Variants in LGSN observed in about 807,000 individuals in gnomAD.
LGSN encodes lengsin.
A neutral mutation model predicts 19.5 loss-of-function variants in LGSN; 21 were observed. The ratio of observed to expected loss-of-function variants is 1.07; its 90% CI spans 0.76 to 1.55. The LOEUF (loss-of-function observed/expected upper bound fraction) is 1.55. LGSN is among the 40% of genes most tolerant of loss of function. The pLI, the probability that LGSN is intolerant of heterozygous loss-of-function variation, is 0.00. For missense variants in LGSN, 673 were observed against 608.5 expected (o/e 1.11, Z -1.12); for synonymous variants, 257 against 215.6 (o/e 1.19, Z -1.68).
intron 1 of LGSN, among the ~76,000 whole-genome samples, chr6:63,302,149 TTTATGAATATA>T (rs1768205440): frequency 6.6e-6 from 1 of 152,158 alleles, no homozygotes; most frequent in Admixed American, 6.5e-5. Flanking sequence ...TGAGTTATAT[TTTATGAATATA>T]TTATGAATAT....
Position 63,280,208 on chromosome 6 carries a change from T to C in LGSN, c.1343A>G (p.Tyr448Cys). ...LAGPDESTDF[Y>C]QVEPSEIPLK... ...AGGGATCTCAGAAGGTTCCACTTGGTAAAAGTCTGTGCTCTCATCTGGACC... is the reference window on the plus strand; with the variant it reads ...AGGGATCTCAGAAGGTTCCACTTGGCAAAAGTCTGTGCTCTCATCTGGACC... The change falls in exon 4 of 4, where the codon TAC becomes TGC. Residue 448 changes from tyrosine to cysteine, a missense_variant. By Grantham distance (194) the Tyr-to-Cys change is radical (BLOSUM62 -2). Transcript: ENST00000370657. 2 of 1,614,192 alleles carry C rather than the reference T, an allele frequency of 1.2e-6. No individual in the cohort carries two copies. Among genetic ancestry groups the C allele is most frequent in the African/African-American group, 2.7e-5 (2 of 75,052 alleles).
the LGSN span, among the ~76,000 whole-genome samples, chr6:63,535,398 G>T: frequency 6.6e-6 from 1 of 152,108 alleles, no homozygotes; most frequent in Non-Finnish European, 1.5e-5. Context: ...GAACAGGGAG[G>T]CAGAGGTTGC....
At chr6:63,404,138 G>A in the LGSN span, among the ~76,000 whole-genome samples, 1 of 152,088 alleles carries the variant, frequency 6.6e-6, no homozygotes, top group Non-Finnish European at 1.5e-5. Context: ...CTTAAGCGAA[G>A]GACCTAGCTA....
chr6:63,362,897 C>T, the LGSN span, among the ~76,000 whole-genome samples: 1 of 152,198 alleles, frequency 6.6e-6, no homozygotes, highest in Non-Finnish European at 1.5e-5. Flanking sequence ...CAGACTGCCT[C>T]CTCAAGTGGG....
chr6:63,540,167 G>C, the LGSN span, among the ~76,000 whole-genome samples: 34 of 152,312 alleles, frequency 2.2e-4, 2 homozygotes, highest in South Asian at 7.0e-3. Context: ...AATCTGGTGT[G>C]CATGGTTGGA....
chr6:63,456,346 AATATAC>A, the LGSN span, among the ~76,000 whole-genome samples: 2,724 of 100,364 alleles, frequency 0.027, 343 homozygotes, highest in Middle Eastern at 0.034. Flanking sequence ...ACTTGGCAGA[AATATAC>A]ATATATATAT....
At chr6:63,519,453 T>A in the LGSN span, among the ~76,000 whole-genome samples, 1 of 152,236 alleles carries the variant, frequency 6.6e-6, no homozygotes, top group Non-Finnish European at 1.5e-5. Flanking sequence ...AGGTAAGGGA[T>A]GTGAAACTGT....
intron 1 of LGSN, among the ~76,000 whole-genome samples, chr6:63,295,495 A>T (rs991811164): frequency 1.6e-4 from 24 of 152,196 alleles, no homozygotes; most frequent in African/African-American, 5.1e-4. Context: ...CTTTTTCCTT[A>T]TGAAAAAGGA....
At chr6:63,371,221 C>T in the LGSN span, among the ~76,000 whole-genome samples, 1 of 152,154 alleles carries the variant, frequency 6.6e-6, no homozygotes, top group Non-Finnish European at 1.5e-5. Context: ...AGAACATATC[C>T]TGGGTGCTCT....
chr6:63,481,229 A>T, the LGSN span, among the ~76,000 whole-genome samples: 1 of 152,118 alleles, frequency 6.6e-6, no homozygotes, highest in South Asian at 2.1e-4. Context: ...GGGCGGTGCT[A>T]GGAATAAAAC....
chr6:63,330,883 T>G, the LGSN span, among the ~76,000 whole-genome samples: 1 of 152,236 alleles, frequency 6.6e-6, no homozygotes, highest in Non-Finnish European at 1.5e-5. Flanking sequence ...AACAGTAGCA[T>G]GACATCCCTC....
the LGSN span, among the ~76,000 whole-genome samples, chr6:63,355,486 TG>T: frequency 6.6e-6 from 1 of 152,304 alleles, no homozygotes; most frequent in East Asian, 1.9e-4. Context: ...TACTGTAAAC[TG>T]GGTAACTTAA....
Position 63,293,557 on chromosome 6 carries a change from C to A in LGSN, c.163+1356G>T, listed in dbSNP as rs567507890. 5.8e-4 allele frequency: 179 copies of A among 310,644 alleles called. 4 individuals carry two copies. Among genetic ancestry groups the A allele is most frequent in the South Asian group, 4.9e-3 (176 of 36,210 alleles). 19.2% of individuals were successfully genotyped at this position (310,644 alleles called of 1,614,324 possible). A position where few individuals can be genotyped will look rare whatever the true frequency, so the allele number is the denominator to read the frequency against. ...CTTTGTAAGTGTTCTGACTCCCGGG[C>A]TAGTATTCCTCAACCAACATTACAT... On this transcript the variant is annotated intron_variant, in intron 2 of 3. Coordinates refer to ENST00000370657, the MANE Select transcript of LGSN (RefSeq NM_016571.3).
At chr6:63,518,924 C>T in the LGSN span, among the ~76,000 whole-genome samples, 1 of 152,104 alleles carries the variant, frequency 6.6e-6, no homozygotes, top group Non-Finnish European at 1.5e-5. Context: ...ATACATATGC[C>T]ATATATTATA....
the LGSN span, among the ~76,000 whole-genome samples, chr6:63,407,332 T>C: frequency 2.0e-5 from 3 of 152,010 alleles, no homozygotes; most frequent in Non-Finnish European, 2.9e-5. Context: ...TTATCCACCA[T>C]GATCAAGTGG....
At chr6:63,400,496 A>C in the LGSN span, among the ~76,000 whole-genome samples, 2 of 152,312 alleles carry the variant, frequency 1.3e-5, no homozygotes, top group Admixed American at 6.5e-5. Context: ...TGTAAGATTA[A>C]ATACAGTCAA....
At chr6:63,300,275 C>T (rs1768133947) in intron 1 of LGSN, among the ~76,000 whole-genome samples, 1 of 152,236 alleles carries the variant, frequency 6.6e-6, no homozygotes, top group African/African-American at 2.4e-5. Context: ...CCCTGGCCTT[C>T]CTAGCCATCC....
At chr6:63,515,433 G>A in the LGSN span, among the ~76,000 whole-genome samples, 473 of 152,048 alleles carry the variant, frequency 3.1e-3, 9 homozygotes, top group Non-Finnish European at 2.5e-3. Flanking sequence ...GTTTCACCAT[G>A]TTGGCCAGAT....
chr6:63,464,194 G>A, the LGSN span, among the ~76,000 whole-genome samples: 1 of 151,748 alleles, frequency 6.6e-6, no homozygotes, highest in African/African-American at 2.4e-5. Context: ...ATGAATCTTG[G>A]CTGTGTTCTT....
Sources: gnomAD v4.1 joint callset for allele counts (sites outside exome capture counted in the v4.1 genomes callset) on GRCh38, gnomAD v4.1.1 for gene constraint, MANE v1.5 for transcripts, NCBI Gene and HGNC (gene_info 2026-07-23, HGNC 2026-07-21) for gene names.